The following VCAN variants were observed in gnomAD, a reference collection of about 807,000 sequenced individuals.
VCAN encodes the protein versican.
VCAN carries 44 observed loss-of-function variants against 245.5 expected under a neutral mutation model. The observed-to-expected ratio is 0.18, with a 90% confidence interval of 0.14 to 0.23. The LOEUF is 0.23. Ranked by LOEUF, VCAN falls within the 10% of genes least tolerant of loss-of-function variation. VCAN has a pLI of 1.00. For missense variants in VCAN, 3,793 were observed against 4,057.9 expected, an observed-to-expected ratio of 0.93 and a Z score of 1.77; for synonymous variants, 1,413 against 1,437.0, an observed-to-expected ratio of 0.98 and a Z score of 0.38.
At chr5:83,481,244 C>CTTT (rs202012593) in intron 1 of VCAN, among the ~76,000 whole-genome samples, 8 of 132,504 alleles carry the variant, frequency 6.0e-5, no homozygotes, top group South Asian at 2.5e-4. Context: ...TCTTTAATTT[C>CTTT]TTTTTTTTTT....
At position 83,522,188 on chromosome 5, in the gene VCAN, C is replaced by T; in HGVS notation, c.3882C>T (p.Pro1294=). The T allele has an allele frequency of 1.9e-6, 3 of 1,607,716 alleles. No homozygotes were observed. The highest frequency in any genetic ancestry group is 2.5e-6 in the Non-Finnish European group (3 of 1,179,948). Residue 1294 remains proline, a synonymous_variant, in exon 7 of 15, where the codon CCC becomes CCT. Transcript: ENST00000265077. The part of the protein sequence containing the change: ...SPPATQPTRP[P]TVEDKEAFGP... ...CTGCTACACAGCCAACAAGACCACC[C>T]ACTGTGGAAGACAAAGAGGCCTTTG...
In VCAN at chr5:83,538,009, T is replaced by G; in HGVS notation, c.5006T>G (p.Ile1669Ser). 1 of 1,613,972 alleles carries G rather than the reference T, an allele frequency of 6.2e-7. No homozygotes were observed. Among genetic ancestry groups the G allele is most frequent in the South Asian group, 1.1e-5 (1 of 91,022 alleles). The change falls in exon 8 of 15, where the codon ATT becomes AGT. Residue 1669 changes from isoleucine (I) to serine (S), a missense_variant. Ile to Ser is a moderately radical substitution (Grantham distance 142, BLOSUM62 -2). This residue lies in a region of VCAN where 3,182 missense variants were observed against 3,250.3 expected (regional missense o/e 0.98). Transcript: ENST00000265077. ...LSQRNTTDTL[I>S]TLDTSRIITE... ...CAGAGAAATACTACTGATACACTCA[T>G]TACTTTAGACACTAGCAGGATAATC...
At position 83,521,303 on chromosome 5, in the gene VCAN, AC is replaced by A; in HGVS notation, c.3000del (p.Ser1001LeufsTer21). On this transcript the variant is annotated frameshift_variant, in exon 7 of 15. Transcript: ENST00000265077. LOFTEE classifies it high-confidence loss of function. ...VPSEDEVLGE[P>X]SQDILVIDQT... ...CATCAGAAGATGAAGTTCTAGGTGA[AC>A]CCTCTCAAGACATACTTGTCATTGA... The A allele has an allele frequency of 6.2e-7, 1 of 1,614,028 alleles. No individual in the cohort carries two copies. Among genetic ancestry groups the A allele is most frequent in the Non-Finnish European group, 8.5e-7 (1 of 1,179,924 alleles).
chr5:83,486,780 A>G (rs1744805791), intron 2 of VCAN, among the ~76,000 whole-genome samples: 1 of 152,206 alleles, frequency 6.6e-6, no homozygotes, highest in Non-Finnish European at 1.5e-5. Flanking sequence ...CATGATCACT[A>G]TTATTAGATG....
At position 83,539,288 on chromosome 5, in the gene VCAN, C is replaced by T. The variant is rs1746863867; in HGVS notation, c.6285C>T (p.Ala2095=). The T allele has an allele frequency of 6.2e-7, 1 of 1,613,986 alleles. No individual in the cohort carries two copies. The highest frequency in any genetic ancestry group is 8.5e-7 in the Non-Finnish European group (1 of 1,179,968). Residue 2095 remains alanine, a synonymous_variant, in exon 8 of 15, where the codon GCC becomes GCT. Transcript: ENST00000265077. ...ACTTTCCCCAAACTATAGAGCCAGCCAAATTATGGTCTAGGCAAGAAGTCA... is the reference window on the plus strand; with the variant it reads ...ACTTTCCCCAAACTATAGAGCCAGCTAAATTATGGTCTAGGCAAGAAGTCA... ...STNFPQTIEP[A]KLWSRQEVNP... is the part of the protein sequence containing the mutation.
Position 83,520,923 on chromosome 5 carries a change from A to T in VCAN, c.2617A>T (p.Ile873Leu). 6.2e-7 allele frequency: 1 copy of T among 1,614,170 alleles called. No individual in the cohort carries two copies. Among genetic ancestry groups the T allele is most frequent in the Non-Finnish European group, 8.5e-7 (1 of 1,180,000 alleles). Residue 873 changes from isoleucine to leucine, a missense_variant, in exon 7 of 15, where the codon ATA becomes TTA. Ile to Leu is a conservative substitution (Grantham distance 5). Around this residue, in one of 5 missense-constraint regions of VCAN, gnomAD observed 3,182 missense variants for 3,250.3 expected, o/e 0.98. Transcript: ENST00000265077. ...GTTAGAGGAGGTTACTGATGAAGAC[A>T]TAGCAGCCCATGGAAAATTCACAAT... ...KQLEEVTDEDIAAHGKFTIRF... is the reference protein window; with the variant it reads ...KQLEEVTDEDLAAHGKFTIRF...
rs1164364532 is a variant in VCAN at position 83,541,228 on chromosome 5, G to C, written c.8225G>C (p.Gly2742Ala). 6.2e-7 allele frequency: 1 copy of C among 1,613,886 alleles called. No homozygotes were observed. The highest frequency in any genetic ancestry group is 1.7e-5 in the Admixed American group (1 of 59,952). Residue 2742 changes from glycine (G) to alanine (A), a missense_variant, in exon 8 of 15, where the codon GGC becomes GCC. Physicochemically the swap from Gly to Ala is moderately conservative, Grantham distance 60. Around this residue, in one of 5 missense-constraint regions of VCAN, gnomAD observed 3,182 missense variants for 3,250.3 expected, o/e 0.98. Transcript: ENST00000265077. ...ADQSEIIPTL[G>A]QFERTQEEYE... ...CAAAGTGAAATAATACCAACATTGGGCCAATTTGAAAGGACTCAGGAGGAG... is the reference window on the plus strand; with the variant it reads ...CAAAGTGAAATAATACCAACATTGGCCCAATTTGAAAGGACTCAGGAGGAG...
Position 83,539,013 on chromosome 5 carries a change from T to G in VCAN, c.6010T>G (p.Phe2004Val), listed in dbSNP as rs778192390. The change falls in exon 8 of 15, where the codon TTT becomes GTT. Residue 2004 changes from phenylalanine (F) to valine (V), a missense_variant. Phe to Val is a conservative substitution (Grantham distance 50). This residue lies in a region of VCAN where 3,182 missense variants were observed against 3,250.3 expected (regional missense o/e 0.98). Coordinates refer to ENST00000265077, the MANE Select transcript of VCAN (RefSeq NM_004385.5). ...CACTTCAGCCTTCCCCTGGGAAGAG[T>G]TTACATCCTCAGCTGAGGGCTCAGG... is the stretch of plus-strand genomic sequence containing the variant. ...VSTSAFPWEE[F>V]TSSAEGSGEQ... The G allele has an allele frequency of 6.2e-7, 1 of 1,613,544 alleles. No individual in the cohort carries two copies. Among genetic ancestry groups the G allele is most frequent in the Middle Eastern group, 1.6e-4 (1 of 6,062 alleles).
At position 83,519,837 on chromosome 5, in the gene VCAN, A is replaced by G. The variant is rs746625102; in HGVS notation, c.1531A>G (p.Lys511Glu). ...GGAAATCTTAAAGCACATTCCTTCC[A>G]AGGAATTCCCTGTAACTGAAACACC... ...SMEILKHIPSKEFPVTETPLV... is the reference protein window; with the variant it reads ...SMEILKHIPSEEFPVTETPLV... The change falls in exon 7 of 15, where the codon AAG (lysine) becomes GAG (glutamate). Residue 511 changes from lysine (K) to glutamate (E), a missense_variant. Transcript: ENST00000265077. 3 of 1,614,136 alleles carry G rather than the reference A, an allele frequency of 1.9e-6. No individual in the cohort carries two copies. Among genetic ancestry groups the G allele is most frequent in the Non-Finnish European group, 2.5e-6 (3 of 1,179,986 alleles).
Position 83,537,547 on chromosome 5 carries a change from CCAAA to C in VCAN, c.4545_4548del (p.Lys1517GlyfsTer43). On this transcript the variant is annotated frameshift_variant, in exon 8 of 15. Transcript: ENST00000265077. LOFTEE classifies it high-confidence loss of function. The stretch of plus-strand genomic sequence containing the variant: ...CATGAGGAATTTGAAAGTGGAACAG[CCAAA>C]AAAGGGGCAGAATCAGTCACAGAGA... The C allele has an allele frequency of 6.2e-7, 1 of 1,613,714 alleles. No individual in the cohort carries two copies. Among genetic ancestry groups the C allele is most frequent in the Non-Finnish European group, 8.5e-7 (1 of 1,179,870 alleles).
intron 1 of VCAN, among the ~76,000 whole-genome samples, chr5:83,477,443 A>G (rs959853572): frequency 6.6e-6 from 1 of 152,216 alleles, no homozygotes; most frequent in African/African-American, 2.4e-5. Flanking sequence ...TGATGGGTCC[A>G]TGCAAAATAA....
intron 13 of VCAN, among the ~76,000 whole-genome samples, chr5:83,578,826 T>TATATAG (rs1242473317): frequency 6.6e-6 from 1 of 152,178 alleles, no homozygotes; most frequent in Non-Finnish European, 1.5e-5. Context: ...GTATTAAAGA[T>TATATAG]ATATAGGTAA....
intron 7 of VCAN, chr5:83,534,147 C>T (rs1746620471): frequency 6.6e-6 from 1 of 151,236 alleles, no homozygotes; most frequent in South Asian, 2.1e-4. Flanking sequence ...TTTTTAGAGC[C>T]ACCAACATAC....
chr5:83,502,848 A>C (rs1414166036), intron 5 of VCAN, among the ~76,000 whole-genome samples: 1 of 152,164 alleles, frequency 6.6e-6, no homozygotes, highest in African/African-American at 2.4e-5. Flanking sequence ...ACTTCAGCCT[A>C]ATACAAGGGA....
At chr5:83,553,281 G>A in intron 10 of VCAN, 83 bp from the exon 11 acceptor site, 3 of 1,562,566 alleles carry the variant, frequency 1.9e-6, no homozygotes, top group Non-Finnish European at 2.6e-6. Context: ...TACTGGCTTG[G>A]GTATCCTACT....
chr5:83,520,154 A>G lies in VCAN; in HGVS notation c.1848A>G (p.Gly616=). The G allele has an allele frequency of 6.2e-7, 1 of 1,614,060 alleles. No individual in the cohort carries two copies. Among genetic ancestry groups the G allele is most frequent in the Non-Finnish European group, 8.5e-7 (1 of 1,179,968 alleles). Residue 616 remains glycine, a synonymous_variant, in exon 7 of 15, where the codon GGA becomes GGG. Coordinates refer to ENST00000265077, the MANE Select transcript of VCAN (RefSeq NM_004385.5). Reference sequence around the variant, plus strand: ...CTTTAATTATGCCTGATAATAATGGATCATCCATGGATGACTGGGAAGAGA... The same window carrying G: ...CTTTAATTATGCCTGATAATAATGGGTCATCCATGGATGACTGGGAAGAGA... ...VSPLIMPDNN[G]SSMDDWEERQ...
In VCAN at chr5:83,538,122, A is replaced by G. The variant is rs1283988349; in HGVS notation, c.5119A>G (p.Ser1707Gly). Reference sequence around the variant, plus strand: ...AAAAGTGGTGCCTACCAAGTTTGTAAGTGAAACAGACACTTCTGAGTGGAT... The same window carrying G: ...AAAAGTGGTGCCTACCAAGTTTGTAGGTGAAACAGACACTTCTGAGTGGAT... ...SAKVVPTKFVSETDTSEWISS... is the reference protein window; with the variant it reads ...SAKVVPTKFVGETDTSEWISS... Residue 1707 changes from serine to glycine, a missense_variant, in exon 8 of 15, where the codon AGT (serine) becomes GGT (glycine). Physicochemically the swap from Ser to Gly is moderately conservative, Grantham distance 56. This residue lies in a region of VCAN where 3,182 missense variants were observed against 3,250.3 expected (regional missense o/e 0.98). Coordinates refer to ENST00000265077, the MANE Select transcript of VCAN (RefSeq NM_004385.5). 5 of 1,614,062 alleles carry G rather than the reference A, an allele frequency of 3.1e-6. No homozygotes were observed. In the East Asian group the frequency reaches 1.1e-4, roughly 36 times the overall value.
At chr5:83,569,137 C>T (rs748054084) in intron 12 of VCAN, among the ~76,000 whole-genome samples, 2 of 152,168 alleles carry the variant, frequency 1.3e-5, no homozygotes, top group South Asian at 2.1e-4. Flanking sequence ...TGCTAATAAA[C>T]GTAGTATTTC....
intron 6 of VCAN, among the ~76,000 whole-genome samples, chr5:83,518,694 AG>A (rs1561242542): frequency 6.6e-6 from 1 of 152,258 alleles, no homozygotes; most frequent in Non-Finnish European, 1.5e-5. Context: ...AGAAGGATGA[AG>A]ACAAATGTCC....
Sources: gnomAD v4.1 joint callset for allele counts (sites outside exome capture counted in the v4.1 genomes callset) on GRCh38, gnomAD v4.1.1 for gene constraint, gnomAD v4.1.1 regional missense constraint, MANE v1.5 for transcripts, NCBI Gene and HGNC (gene_info 2026-07-23, HGNC 2026-07-21) for gene names.